The following COG7 variants were observed in gnomAD, a reference collection of about 807,000 sequenced individuals.
COG7 encodes the protein component of oligomeric golgi complex 7.
In COG7, 49 loss-of-function variants were observed where a neutral mutation model predicts 91.5. The observed-to-expected ratio is 0.54, with a 90% CI of 0.43 to 0.68. The LOEUF (loss-of-function observed/expected upper bound fraction) is 0.68. Among genes scored for constraint, COG7 ranks in the 30% least tolerant of loss-of-function variants. The pLI, the probability that COG7 is intolerant of heterozygous loss-of-function variation, is 0.00. For synonymous variants in COG7, 365 were observed against 388.7 expected (o/e 0.94, Z 0.72); for missense variants, 895 against 961.3 (o/e 0.93, Z 0.91).
intron 4 of COG7, among the ~76,000 whole-genome samples, chr16:23,438,915 C>T (rs144566582): frequency 1.1e-3 from 171 of 151,940 alleles, no homozygotes; most frequent in African/African-American, 3.9e-3. Flanking sequence ...CCCAGCACTT[C>T]GGAAGGCCAA....
At position 23,445,085 on chromosome 16, in the gene COG7, G is replaced by T. The variant is rs770240947; in HGVS notation, c.398C>A (p.Thr133Lys). The change falls in exon 3 of 17, where the codon ACG becomes AAG. Residue 133 changes from threonine to lysine, a missense_variant. Transcript: ENST00000307149. The stretch of plus-strand genomic sequence containing the variant: ...TGTCTCCTCAATATCGGCGCTCAAC[G>T]TGCTCCACTTATCTGCTTCCTGAAG... ...ESLQEADKWS[T>K]LSADIEETFK... 1 of 1,614,038 alleles carries T rather than the reference G, an allele frequency of 6.2e-7. No individual in the cohort carries two copies. Among genetic ancestry groups the T allele is most frequent in the Non-Finnish European group, 8.5e-7 (1 of 1,179,992 alleles).
chr16:23,396,002 G>C (rs866276350), intron 14 of COG7, among the ~76,000 whole-genome samples: 16 of 152,356 alleles, frequency 1.1e-4, no homozygotes, highest in Middle Eastern at 6.8e-3. Context: ...TGCACGTAAA[G>C]CAGCTGGCGT....
intron 12 of COG7, among the ~76,000 whole-genome samples, chr16:23,405,776 C>G (rs1295864953): frequency 6.6e-6 from 1 of 152,154 alleles, no homozygotes; most frequent in Admixed American, 6.5e-5. Context: ...CTCGGCCTCC[C>G]AAAGTGCTGG....
chr16:23,392,655 T>G (rs1963218575), intron 15 of COG7, 132 bp from the exon 16 acceptor site: 1 of 1,039,376 alleles, frequency 9.6e-7, no homozygotes, highest in Non-Finnish European at 1.5e-6. Context: ...TAGGGCCAGG[T>G]GCAGTGGCTC....
Position 23,388,577 on chromosome 16 carries a change from T to C in COG7, c.*343A>G, listed in dbSNP as rs1357676474. 5.1e-6 allele frequency: 1 copy of C among 195,016 alleles called. No homozygotes were observed. The highest frequency in any genetic ancestry group is 5.4e-5 in the Admixed American group (1 of 18,420). 12.1% of individuals were successfully genotyped at this position (195,016 alleles called of 1,614,324 possible). ...CTAAAAAGTCTTCTCTGATAAATAA[T>C]ACATCTTTAATTTACAACTCTTTTT... On this transcript the variant is annotated 3_prime_UTR_variant, in exon 17 of 17. Coordinates refer to ENST00000307149, the MANE Select transcript of COG7 (RefSeq NM_153603.4).
intron 4 of COG7, among the ~76,000 whole-genome samples, chr16:23,436,690 C>A (rs1241339248): frequency 6.6e-6 from 1 of 152,110 alleles, no homozygotes; most frequent in Non-Finnish European, 1.5e-5. Flanking sequence ...CACACCACTG[C>A]AGTCCAGCCT....
intron 11 of COG7, among the ~76,000 whole-genome samples, chr16:23,409,236 C>T (rs967977073): frequency 5.9e-5 from 9 of 152,142 alleles, no homozygotes; most frequent in Admixed American, 2.6e-4. Flanking sequence ...CAGGTCAGAA[C>T]GCGCTGGGCC....
Position 23,431,928 on chromosome 16 carries a change from G to A in COG7, c.810+1617C>T, listed in dbSNP as rs149714656. Among the ~76,000 whole-genome samples the A allele has an allele frequency of 1.2e-3, 179 of 151,968 alleles. 1 individual carries two copies. The East Asian group carries it at 0.026, about 22-fold the overall frequency. On this transcript the variant is annotated intron_variant, in intron 6 of 16. Coordinates refer to ENST00000307149, the MANE Select transcript of COG7 (RefSeq NM_153603.4). Reference sequence around the variant, plus strand: ...AGGCCAAAGTGGGAGGATTACTTGAGGCCAGGAGTTAGAGACCAGCCTGGG... The same window carrying A: ...AGGCCAAAGTGGGAGGATTACTTGAAGCCAGGAGTTAGAGACCAGCCTGGG...
At chr16:23,410,271 A>C (rs1963540705) in intron 11 of COG7, 24 bp downstream of exon 11, 1 of 1,608,314 alleles carries the variant, frequency 6.2e-7, no homozygotes, top group Non-Finnish European at 8.5e-7. Context: ...CAGGGTGTAG[A>C]GGACAATGAC....
rs139853094 is a variant in COG7 at position 23,434,622 on chromosome 16, G to T, written c.687+14C>A. On this transcript the variant is annotated intron_variant, in intron 5 of 16. Transcript: ENST00000307149. ...TCCACAACTGCACAACTGTCATCGC[G>T]CACAGCTTCTTACCTTGTGACACTT... 2 of 1,600,042 alleles carry T rather than the reference G, an allele frequency of 1.2e-6. No individual in the cohort carries two copies. The highest frequency in any genetic ancestry group is 1.7e-6 in the Non-Finnish European group (2 of 1,167,160).
intron 1 of COG7, among the ~76,000 whole-genome samples, chr16:23,449,279 T>C (rs547597077): frequency 1.9e-3 from 279 of 148,610 alleles, no homozygotes; most frequent in Middle Eastern, 3.6e-3. Context: ...AGGAGAATGG[T>C]GTAAACCCTG....
intron 3 of COG7, among the ~76,000 whole-genome samples, chr16:23,443,770 GA>G (rs1389653385): frequency 2.0e-5 from 3 of 151,992 alleles, no homozygotes; most frequent in Non-Finnish European, 2.9e-5. Context: ...GCTTTGTGAG[GA>G]AAAAAAGGGG....
At chr16:23,442,368 C>T (rs1415965530) in intron 4 of COG7, 109 bp downstream of exon 4, 2 of 926,206 alleles carry the variant, frequency 2.2e-6, no homozygotes, top group East Asian at 2.5e-5. Context: ...AGAGTTCCTT[C>T]TAATCTATGT....
At chr16:23,444,007 C>T (rs1388062461) in intron 3 of COG7, among the ~76,000 whole-genome samples, 1 of 151,796 alleles carries the variant, frequency 6.6e-6, no homozygotes, top group Admixed American at 6.6e-5. Context: ...CAAAAATTAG[C>T]CGGGTATGGT....
At chr16:23,426,341 C>G (rs951020435) in intron 6 of COG7, among the ~76,000 whole-genome samples, 3 of 151,976 alleles carry the variant, frequency 2.0e-5, no homozygotes, top group Non-Finnish European at 4.4e-5. Flanking sequence ...CATTGTACAC[C>G]ATGATCAAGT....
chr16:23,404,980 T>A (rs1963436118), intron 12 of COG7, among the ~76,000 whole-genome samples: 1 of 152,150 alleles, frequency 6.6e-6, no homozygotes, highest in Non-Finnish European at 1.5e-5. Context: ...CCTCTGTCTA[T>A]CACCAAGAGT....
intron 7 of COG7, 43 bp downstream of exon 7, chr16:23,424,706 C>T (rs1378095242): frequency 1.9e-6 from 3 of 1,594,826 alleles, no homozygotes; most frequent in Middle Eastern, 1.7e-4. Flanking sequence ...TCAGAAAGAG[C>T]GAGTAAAGAC....
At chr16:23,422,017 G>C (rs1169348448) in intron 7 of COG7, among the ~76,000 whole-genome samples, 1 of 152,090 alleles carries the variant, frequency 6.6e-6, no homozygotes, top group South Asian at 2.1e-4. Flanking sequence ...GATTAAAAAT[G>C]GTAGTAAATT....
intron 4 of COG7, among the ~76,000 whole-genome samples, chr16:23,435,094 T>C (rs977586116): frequency 3.9e-5 from 6 of 152,206 alleles, no homozygotes; most frequent in Non-Finnish European, 5.9e-5. Context: ...CTGGTCGCGG[T>C]AGCTCATGCC....
Sources: gnomAD v4.1 joint callset for allele counts (sites outside exome capture counted in the v4.1 genomes callset) on GRCh38, gnomAD v4.1.1 for gene constraint, MANE v1.5 for transcripts, NCBI Gene and HGNC (gene_info 2026-07-23, HGNC 2026-07-21) for gene names.